The following STAM2 variants were observed in gnomAD, a reference collection of about 807,000 sequenced individuals.
The protein encoded by STAM2 is signal transducing adapter molecule 2.
STAM2 carries 51 observed loss-of-function variants against 65.6 expected under a neutral mutation model. The observed-to-expected ratio is 0.78, with a 90% confidence interval of 0.62 to 0.98. The LOEUF is 0.98. Among genes scored for constraint, STAM2 ranks in the 50% least tolerant of loss-of-function variants. STAM2 has a pLI of 0.00. For synonymous variants in STAM2, 198 were observed against 208.4 expected (o/e 0.95, Z 0.43); for missense variants, 584 against 617.8 (o/e 0.95, Z 0.58).
rs533869090 is a variant in STAM2, at chr2:152,155,063, C to G, written c.41-4834G>C. 1.8e-4 allele frequency among the ~76,000 whole-genome samples: 28 copies of G among 152,314 alleles called. No homozygotes were observed. In the South Asian group the frequency reaches 3.5e-3, roughly 19 times the overall value. ...TAGCATTTTTTTGTTTAGCATCTGT[C>G]TTTGCCACAACCTTTCACCACATTC... On this transcript the variant is annotated intron_variant, in intron 1 of 13. Transcript: ENST00000263904.
chr2:152,165,558 G>A (rs530731199), intron 1 of STAM2, among the ~76,000 whole-genome samples: 3 of 152,172 alleles, frequency 2.0e-5, no homozygotes, highest in Non-Finnish European at 2.9e-5. Context: ...TGCACACTCC[G>A]TATGCACCTG....
At chr2:152,165,192 G>A (rs1210827614) in intron 1 of STAM2, among the ~76,000 whole-genome samples, 1 of 152,080 alleles carries the variant, frequency 6.6e-6, no homozygotes, top group Non-Finnish European at 1.5e-5. Context: ...TTGGGAGGCC[G>A]AGGCGGGCAG....
Position 152,148,134 on chromosome 2 carries a change from A to C in STAM2, c.202-12T>G, listed in dbSNP as rs1282724604. 10 of 1,593,990 alleles carry C rather than the reference A, an allele frequency of 6.3e-6. No homozygotes were observed. The South Asian group carries it at 1.2e-4, about 18-fold the overall frequency. ...CAAGCCCCAAGAAGCTATTAATTGAAATAAAAATATATGAATATTGAAATA... is the reference window on the plus strand; with the variant it reads ...CAAGCCCCAAGAAGCTATTAATTGACATAAAAATATATGAATATTGAAATA... On this transcript the variant is annotated splice_polypyrimidine_tract_variant and intron_variant, in intron 3 of 13. Transcript: ENST00000263904.
chr2:152,122,183 T>C (rs553044166), intron 13 of STAM2, among the ~76,000 whole-genome samples: 1 of 152,072 alleles, frequency 6.6e-6, no homozygotes, highest in Non-Finnish European at 1.5e-5. Flanking sequence ...CCCAGCATTT[T>C]GGGAGGCCAA....
Position 152,117,433 on chromosome 2 carries a change from A to T in STAM2, c.*3141T>A, listed in dbSNP as rs1314495886. The T allele has an allele frequency of 6.6e-6, 1 of 152,188 alleles. No homozygotes were observed. Among genetic ancestry groups the T allele is most frequent in the Non-Finnish European group, 1.5e-5 (1 of 68,034 alleles). 9.4% of individuals were successfully genotyped at this position (152,188 alleles called of 1,614,324 possible). A position where few individuals can be genotyped will look rare whatever the true frequency, so the allele number is the denominator to read the frequency against. On this transcript the variant is annotated 3_prime_UTR_variant, in exon 14 of 14. Coordinates refer to ENST00000263904, the MANE Select transcript of STAM2 (RefSeq NM_005843.6). ...CTCAGGCTCCCAAAGTGCTGGGATT[A>T]TAGGCATGAGCCACTGTATCTGGCC...
intron 1 of STAM2, among the ~76,000 whole-genome samples, chr2:152,156,006 C>T (rs1560220548): frequency 6.6e-6 from 1 of 152,156 alleles, no homozygotes; most frequent in African/African-American, 2.4e-5. Flanking sequence ...CAAAGACACA[C>T]ACATAATCAC....
intron 13 of STAM2, 48 bp from the exon 14 acceptor site, chr2:152,120,850 T>C: frequency 6.9e-7 from 1 of 1,457,520 alleles, no homozygotes; most frequent in Non-Finnish European, 9.6e-7. Flanking sequence ...TTGCAATATA[T>C]AAGGTTAGAG....
Position 152,161,512 on chromosome 2 carries a change from A to C in STAM2, c.41-11283T>G, listed in dbSNP as rs199625826. On this transcript the variant is annotated intron_variant, in intron 1 of 13. Transcript: ENST00000263904. ...TGATCAATAAAAAAAAAAAAAAAAA[A>C]AAAACATTATATATACTTACTAGGT... 2.3e-3 allele frequency among the ~76,000 whole-genome samples: 349 copies of C among 151,650 alleles called. 7 individuals are homozygous for C. The highest frequency in any genetic ancestry group is 0.013 in the East Asian group (67 of 5,166).
chr2:152,145,082 T>A, intron 5 of STAM2, 125 bp from the exon 6 acceptor site: 3 of 762,382 alleles, frequency 3.9e-6, no homozygotes, highest in Non-Finnish European at 6.6e-6. Flanking sequence ...AAAGTGAAGT[T>A]CTTTTTTGAG....
chr2:152,164,321 A>G (rs1273579693), intron 1 of STAM2, among the ~76,000 whole-genome samples: 1 of 152,140 alleles, frequency 6.6e-6, no homozygotes, highest in Admixed American at 6.5e-5. Flanking sequence ...GCAAAGAATC[A>G]GGCAGAATGC....
intron 1 of STAM2, among the ~76,000 whole-genome samples, chr2:152,163,440 T>C (rs915928540): frequency 2.6e-5 from 4 of 151,890 alleles, no homozygotes; most frequent in African/African-American, 9.7e-5. Flanking sequence ...CCTGTGATGA[T>C]TGCATTAACT....
intron 7 of STAM2, 136 bp from the exon 8 acceptor site, chr2:152,135,739 A>T: frequency 1.6e-6 from 1 of 608,694 alleles, no homozygotes; most frequent in Admixed American, 3.3e-5. Flanking sequence ...TTTTTCTTAA[A>T]TTTAATAAAC....
intron 13 of STAM2, among the ~76,000 whole-genome samples, chr2:152,121,099 G>A (rs1688845663): frequency 6.6e-6 from 1 of 151,800 alleles, no homozygotes; most frequent in Admixed American, 6.6e-5. Flanking sequence ...TGAGTAGCTG[G>A]GACTATTTAA....
chr2:152,130,177 AG>A (rs1243694132), intron 11 of STAM2, among the ~76,000 whole-genome samples: 1 of 152,208 alleles, frequency 6.6e-6, no homozygotes, highest in Non-Finnish European at 1.5e-5. Flanking sequence ...CTGAGAAATA[AG>A]GGAGCAGAAC....
At chr2:152,170,266 G>A (rs1689874645) in intron 1 of STAM2, among the ~76,000 whole-genome samples, 1 of 151,416 alleles carries the variant, frequency 6.6e-6, no homozygotes, top group South Asian at 2.1e-4. Flanking sequence ...CGGATCACGA[G>A]GTCAGGAGTT....
At chr2:152,168,438 A>G (rs1478631536) in intron 1 of STAM2, among the ~76,000 whole-genome samples, 4 of 152,096 alleles carry the variant, frequency 2.6e-5, no homozygotes, top group Non-Finnish European at 5.9e-5. Flanking sequence ...GATTATAGGC[A>G]TGAGCCACCG....
At chr2:152,132,021 A>G in intron 11 of STAM2, 93 bp downstream of exon 11, 1 of 831,170 alleles carries the variant, frequency 1.2e-6, no homozygotes, top group East Asian at 2.6e-5. Context: ...TGAATTGTAC[A>G]GTTCCACAAA....
Position 152,133,158 on chromosome 2 carries a change from A to C in STAM2, c.970+15T>G. 1.5e-6 allele frequency: 2 copies of C among 1,342,586 alleles called. No individual in the cohort carries two copies. Among genetic ancestry groups the C allele is most frequent in the South Asian group, 3.7e-5 (2 of 53,568 alleles). The allele number at this position is 1,342,586 out of a possible 1,614,324, so 83.2% of individuals were successfully genotyped here. Reference sequence around the variant, plus strand: ...TTAAATAATATTAAAATAATATAAAATATTCACTAAGTACCTTCTAAATCC... The same window carrying C: ...TTAAATAATATTAAAATAATATAAACTATTCACTAAGTACCTTCTAAATCC... On this transcript the variant is annotated intron_variant, in intron 10 of 13. Transcript: ENST00000263904.
chr2:152,153,478 C>A (rs1689484512), intron 1 of STAM2, among the ~76,000 whole-genome samples: 1 of 151,888 alleles, frequency 6.6e-6, no homozygotes, highest in Non-Finnish European at 1.5e-5. Context: ...ATGCAGTTAA[C>A]CTCAGTTAAA....
Sources: gnomAD v4.1 joint callset for allele counts (sites outside exome capture counted in the v4.1 genomes callset) on GRCh38, gnomAD v4.1.1 for gene constraint, MANE v1.5 for transcripts, NCBI Gene and HGNC (gene_info 2026-07-23, HGNC 2026-07-21) for gene names.